KCNMA1: variants seen among roughly 807,000 people sequenced by gnomAD.
KCNMA1 encodes Calcium-activated potassium channel subunit alpha-1.
A neutral mutation model predicts 140.0 loss-of-function variants in KCNMA1; 29 were observed. That is an observed-to-expected ratio of 0.21 (90% CI 0.15 to 0.28). The LOEUF (loss-of-function observed/expected upper bound fraction) is 0.28. KCNMA1 is among the 10% of genes least tolerant of loss of function. The probability of loss-of-function intolerance (pLI) is 1.00; values close to 1 mark genes in which losing one functional copy is unlikely to be tolerated. For synonymous variants in KCNMA1, 612 were observed against 611.9 expected (o/e 1.00, Z 0.00); for missense variants, 880 against 1,602.2 (o/e 0.55, Z 7.70).
rs200761027 is a variant in KCNMA1 at position 76,886,175 on chromosome 10, T to C, written c.*1091A>G. On this transcript the variant is annotated 3_prime_UTR_variant, in exon 28 of 28. Coordinates refer to ENST00000286628, the MANE Select transcript of KCNMA1 (RefSeq NM_001161352.2). ...AGCATGATCTGCAGCTGGGTTTGTCTTCCTCTCACTCTACCATTGCCCCAG... is the reference window on the plus strand; with the variant it reads ...AGCATGATCTGCAGCTGGGTTTGTCCTCCTCTCACTCTACCATTGCCCCAG... The C allele has an allele frequency of 7.1e-6, 7 of 985,294 alleles. No homozygotes were observed. The highest frequency in any genetic ancestry group is 8.4e-6 in the Non-Finnish European group (7 of 829,940). The allele number at this position is 985,294 out of a possible 1,614,324, so 61.0% of individuals were successfully genotyped here.
intron 1 of KCNMA1, among the ~76,000 whole-genome samples, chr10:77,437,539 A>AAAATTCAG (rs1345470214): frequency 1.3e-5 from 2 of 152,216 alleles, no homozygotes; most frequent in Non-Finnish European, 2.9e-5. Flanking sequence ...TCATGGATAG[A>AAAATTCAG]AAATTCAGAA....
At chr10:77,206,200 A>T (rs2044048741) in intron 3 of KCNMA1, among the ~76,000 whole-genome samples, 1 of 152,248 alleles carries the variant, frequency 6.6e-6, no homozygotes, top group East Asian at 1.9e-4. Context: ...TATAAGTGCT[A>T]AGACAATTAA....
At chr10:77,390,896 A>T (rs2095798247) in intron 2 of KCNMA1, among the ~76,000 whole-genome samples, 1 of 152,102 alleles carries the variant, frequency 6.6e-6, no homozygotes, top group Non-Finnish European at 1.5e-5. Flanking sequence ...CAAAGGCTGC[A>T]TCTGAGGGAA....
At chr10:77,526,818 TCTC>T (rs900571761) in intron 1 of KCNMA1, among the ~76,000 whole-genome samples, 22 of 151,878 alleles carry the variant, frequency 1.4e-4, no homozygotes, top group African/African-American at 5.3e-4. Flanking sequence ...TGGGTTTCCT[TCTC>T]CTCTCTCTCT....
intron 19 of KCNMA1, among the ~76,000 whole-genome samples, chr10:76,977,121 C>T (rs2077844547): frequency 6.6e-6 from 1 of 152,166 alleles, no homozygotes; most frequent in Admixed American, 6.5e-5. Flanking sequence ...GGCTTTGTGG[C>T]AAAAGTTAAA....
Position 76,998,227 on chromosome 10 carries a change from C to T in KCNMA1, c.2266+3180G>A, listed in dbSNP as rs1421459260. ...CTGTGTGAGCACTTTTAATATATTA[C>T]CATTCCTCTGGGAACCAGCTACTTC... On this transcript the variant is annotated intron_variant, in intron 19 of 27. Coordinates refer to ENST00000286628, the MANE Select transcript of KCNMA1 (RefSeq NM_001161352.2). 3.3e-5 allele frequency among the ~76,000 whole-genome samples: 5 copies of T among 152,124 alleles called. No homozygotes were observed. In the South Asian group the frequency reaches 1.0e-3, roughly 32 times the overall value.
chr10:77,222,708 G>A lies in KCNMA1; in HGVS notation c.602+28487C>T, dbSNP rs1051292049. On this transcript the variant is annotated intron_variant, in intron 3 of 27. Transcript: ENST00000286628. ...CCTGATTCCAGAGAACAGGCCAACA[G>A]AACGCAGGCCAAGAGGACCCCACCT... is the stretch of plus-strand genomic sequence containing the variant. 3.3e-5 allele frequency among the ~76,000 whole-genome samples: 5 copies of A among 152,326 alleles called. No individual in the cohort carries two copies. The South Asian group carries it at 1.0e-3, about 32-fold the overall frequency.
intron 1 of KCNMA1, among the ~76,000 whole-genome samples, chr10:77,416,520 T>C (rs10740466): frequency 0.097 from 14,709 of 152,230 alleles, 1,040 homozygotes; most frequent in East Asian, 0.39. Context: ...AGATAGCAGA[T>C]AGGATGAATT....
At chr10:77,553,936 T>C (rs1434512164) in intron 1 of KCNMA1, among the ~76,000 whole-genome samples, 2 of 152,118 alleles carry the variant, frequency 1.3e-5, no homozygotes, top group African/African-American at 4.8e-5. Flanking sequence ...ATTCCACTCC[T>C]GGATATTCCA....
At chr10:77,098,361 T>G (rs2096992087) in intron 9 of KCNMA1, among the ~76,000 whole-genome samples, 1 of 152,150 alleles carries the variant, frequency 6.6e-6, no homozygotes, top group South Asian at 2.1e-4. Context: ...GTGAAGGTTT[T>G]CTGCCCAAGT....
chr10:77,399,559 C>T (rs1356653627), intron 2 of KCNMA1, among the ~76,000 whole-genome samples: 3 of 152,140 alleles, frequency 2.0e-5, no homozygotes, highest in Admixed American at 6.5e-5. Context: ...CTGTTTTTGG[C>T]CAGTTGAGCC....
At chr10:77,155,063 T>TG (rs911505273) in intron 5 of KCNMA1, among the ~76,000 whole-genome samples, 5 of 152,062 alleles carry the variant, frequency 3.3e-5, no homozygotes, top group African/African-American at 1.2e-4. Context: ...AGAAGAAGCC[T>TG]GGGGGGTGCA....
intron 19 of KCNMA1, among the ~76,000 whole-genome samples, chr10:76,993,683 C>T (rs1029416885): frequency 6.6e-6 from 1 of 152,220 alleles, no homozygotes; most frequent in Non-Finnish European, 1.5e-5. Flanking sequence ...CCTGCAGCCA[C>T]AGCAGCCCTC....
chr10:77,012,428 C>T, intron 17 of KCNMA1: 2 of 1,548,018 alleles, frequency 1.3e-6, no homozygotes, highest in Non-Finnish European at 1.7e-6. Context: ...CACCAAAATT[C>T]CCACAGTCTG....
chr10:77,421,522 T>C (rs1476174203), intron 1 of KCNMA1, among the ~76,000 whole-genome samples: 1 of 152,234 alleles, frequency 6.6e-6, no homozygotes, highest in Non-Finnish European at 1.5e-5. Flanking sequence ...TATTCAGCTC[T>C]GTTGCTGGGG....
At chr10:76,947,646 CTGTT>C (rs1591611631) in intron 22 of KCNMA1, among the ~76,000 whole-genome samples, 1 of 152,192 alleles carries the variant, frequency 6.6e-6, no homozygotes, top group Non-Finnish European at 1.5e-5. Context: ...CTGTGTATGA[CTGTT>C]TGTCTATAGG....
At chr10:77,462,688 G>C (rs2097901372) in intron 1 of KCNMA1, among the ~76,000 whole-genome samples, 1 of 152,252 alleles carries the variant, frequency 6.6e-6, no homozygotes, top group Non-Finnish European at 1.5e-5. Flanking sequence ...TCTCCCCCGG[G>C]AGAGAGTCCC....
chr10:77,437,233 A>G (rs1389242163), intron 1 of KCNMA1, among the ~76,000 whole-genome samples: 1 of 152,162 alleles, frequency 6.6e-6, no homozygotes, highest in African/African-American at 2.4e-5. Context: ...GGATTGTAGT[A>G]CCTGGTGGAC....
intron 5 of KCNMA1, among the ~76,000 whole-genome samples, chr10:77,139,491 C>T (rs1468584656): frequency 1.3e-5 from 2 of 152,140 alleles, no homozygotes; most frequent in Non-Finnish European, 2.9e-5. Flanking sequence ...TATTGCTTGC[C>T]AACTGGAATT....
Sources: gnomAD v4.1 joint callset for allele counts (sites outside exome capture counted in the v4.1 genomes callset) on GRCh38, gnomAD v4.1.1 for gene constraint, MANE v1.5 for transcripts, NCBI Gene and HGNC (gene_info 2026-07-23, HGNC 2026-07-21) for gene names.